The following ZFYVE9 variants were observed in gnomAD, a reference collection of about 807,000 sequenced individuals.
The protein encoded by ZFYVE9 is zinc finger FYVE domain-containing protein 9.
A neutral mutation model predicts 126.7 loss-of-function variants in ZFYVE9; 43 were observed. The observed-to-expected ratio is 0.34, with a 90% CI of 0.27 to 0.44. ZFYVE9 has a LOEUF of 0.44. Ranked by LOEUF, ZFYVE9 falls within the 20% of genes least tolerant of loss-of-function variation. The probability of loss-of-function intolerance (pLI) is 1.00; values close to 1 mark genes in which losing one functional copy is unlikely to be tolerated. For synonymous variants in ZFYVE9, 521 were observed against 597.4 expected (o/e 0.87, Z 1.87); for missense variants, 1,476 against 1,697.0 (o/e 0.87, Z 2.29).
At chr1:52,261,545 T>C (rs1344547310) in intron 4 of ZFYVE9, among the ~76,000 whole-genome samples, 1 of 152,234 alleles carries the variant, frequency 6.6e-6, no homozygotes, top group Non-Finnish European at 1.5e-5. Context: ...AGAGTTCATA[T>C]ATTTGTGGAA....
At chr1:52,234,173 A>T (rs938289712) in intron 3 of ZFYVE9, among the ~76,000 whole-genome samples, 8 of 152,046 alleles carry the variant, frequency 5.3e-5, no homozygotes, top group East Asian at 3.9e-4. Context: ...CTTCCTCCTC[A>T]CCGTTCTTCC....
rs1350690357 is a variant in ZFYVE9, at chr1:52,255,943, CTTTTCTTTTCT to C, written c.2179-7826_2179-7816del. Among the ~76,000 whole-genome samples, 107 of 122,344 alleles carry C rather than the reference CTTTTCTTTTCT, an allele frequency of 8.7e-4. 2 individuals carry two copies. Among genetic ancestry groups the C allele is most frequent in the African/African-American group, 3.8e-3 (92 of 24,186 alleles). 80.3% of individuals were successfully genotyped at this position (122,344 alleles called of 152,430 possible). A position where few individuals can be genotyped will look rare whatever the true frequency, so the allele number is the denominator to read the frequency against. On this transcript the variant is annotated intron_variant, in intron 4 of 18. Coordinates refer to ENST00000287727, the MANE Select transcript of ZFYVE9 (RefSeq NM_004799.4). Reference sequence around the variant, plus strand: ...CTTTTCTTTTCTTTTCTTTTCTTTTCTTTTCTTTTCTTTTCTTTTCTTTTCTTTCTTTCTTT... The same window carrying C: ...CTTTTCTTTTCTTTTCTTTTCTTTTCTTTCTTTTCTTTTCTTTCTTTCTTT...
At position 52,263,759 on chromosome 1, in the gene ZFYVE9, C is replaced by CGG; in HGVS notation, c.2179-14_2179-13insGG. The CGG allele has an allele frequency of 1.4e-6, 1 of 734,586 alleles. No homozygotes were observed. The highest frequency in any genetic ancestry group is 2.1e-6 in the Non-Finnish European group (1 of 487,400). The allele number at this position is 734,586 out of a possible 1,614,324, so 45.5% of individuals were successfully genotyped here. On this transcript the variant is annotated splice_polypyrimidine_tract_variant and intron_variant, in intron 4 of 18. Transcript: ENST00000287727. Reference sequence around the variant, plus strand: ...AGTAAATTTTGTGTGTTCTTCCCCCCCCCCCCCCCACAGGTTTTCTGTGCT... The same window carrying CGG: ...AGTAAATTTTGTGTGTTCTTCCCCCCGGCCCCCCCCCACAGGTTTTCTGTGCT...
At chr1:52,297,460 A>G (rs1645988925) in intron 12 of ZFYVE9, among the ~76,000 whole-genome samples, 1 of 151,808 alleles carries the variant, frequency 6.6e-6, no homozygotes, top group Admixed American at 6.6e-5. Context: ...GCTGGTCTCA[A>G]ACTCCTGACC....
At chr1:52,344,988 C>T (rs757489956) in intron 18 of ZFYVE9, 44 bp downstream of exon 18, 38 of 1,601,286 alleles carry the variant, frequency 2.4e-5, no homozygotes, top group East Asian at 6.7e-5. Context: ...CCTTGGGCAA[C>T]GTCTGTATTT....
intron 1 of ZFYVE9, among the ~76,000 whole-genome samples, chr1:52,161,745 A>AACT (rs1335590694): frequency 6.6e-5 from 10 of 152,198 alleles, no homozygotes; most frequent in Non-Finnish European, 1.2e-4. Context: ...TTCTGCACCT[A>AACT]ACTACTTGAC....
chr1:52,220,943 T>G (rs1365633776), intron 2 of ZFYVE9, among the ~76,000 whole-genome samples: 3 of 152,210 alleles, frequency 2.0e-5, no homozygotes, highest in African/African-American at 7.2e-5. Context: ...TCCTGGGACA[T>G]GGACAACTGC....
At chr1:52,180,296 C>T in intron 1 of ZFYVE9, 4 of 1,592,644 alleles carry the variant, frequency 2.5e-6, no homozygotes, top group East Asian at 2.2e-5. Context: ...CAACAACCTG[C>T]ATACCCAGTT....
At chr1:52,143,411 T>C (rs907180434) in intron 1 of ZFYVE9, among the ~76,000 whole-genome samples, 1 of 152,254 alleles carries the variant, frequency 6.6e-6, no homozygotes, top group Non-Finnish European at 1.5e-5. Context: ...TTATTCTTGT[T>C]TTCCTGTTAT....
intron 13 of ZFYVE9, among the ~76,000 whole-genome samples, chr1:52,325,930 C>T (rs1313735237): frequency 2.6e-5 from 4 of 152,230 alleles, no homozygotes; most frequent in Non-Finnish European, 5.9e-5. Context: ...TCACACACTT[C>T]TGCAGCATAA....
intron 1 of ZFYVE9, among the ~76,000 whole-genome samples, chr1:52,155,258 C>T (rs1298977397): frequency 1.1e-4 from 14 of 129,314 alleles, no homozygotes; most frequent in South Asian, 2.5e-4. Context: ...TTTTTTGAGA[C>T]GGAGTCTCGC....
chr1:52,293,069 A>G (rs1295433631), intron 10 of ZFYVE9, among the ~76,000 whole-genome samples: 5 of 152,128 alleles, frequency 3.3e-5, no homozygotes, highest in South Asian at 2.1e-4. Flanking sequence ...CCAGAGTTGC[A>G]TAATGTTTAT....
rs552591036 is a variant in ZFYVE9 at position 52,154,075 on chromosome 1, G to A, written c.-143+11672G>A. On this transcript the variant is annotated intron_variant, in intron 1 of 18. Transcript: ENST00000287727. ...ATAACTACTGGAGCTTATGGTTATG[G>A]GCCTACTGCCACAAATCTTTCACTG... Among the ~76,000 whole-genome samples, 35 of 152,320 alleles carry A rather than the reference G, an allele frequency of 2.3e-4. No individual in the cohort carries two copies. In the East Asian group the frequency reaches 3.7e-3, roughly 16 times the overall value.
chr1:52,224,827 C>T (rs1043120515), intron 2 of ZFYVE9, among the ~76,000 whole-genome samples: 6 of 152,070 alleles, frequency 3.9e-5, no homozygotes, highest in Non-Finnish European at 7.4e-5. Context: ...CTAAATGTCT[C>T]GTATTAGAGA....
intron 1 of ZFYVE9, among the ~76,000 whole-genome samples, chr1:52,216,143 G>A (rs528131509): frequency 9.2e-5 from 14 of 152,248 alleles, no homozygotes; most frequent in South Asian, 6.2e-4. Flanking sequence ...GAAAATAAAC[G>A]TGCAAAAACT....
At chr1:52,262,055 C>T (rs1397928645) in intron 4 of ZFYVE9, among the ~76,000 whole-genome samples, 1 of 152,172 alleles carries the variant, frequency 6.6e-6, no homozygotes, top group Non-Finnish European at 1.5e-5. Flanking sequence ...ATACCATAGA[C>T]TAGATGGCTT....
At chr1:52,305,806 C>CCTG (rs746190491) in intron 13 of ZFYVE9, among the ~76,000 whole-genome samples, 5 of 152,198 alleles carry the variant, frequency 3.3e-5, no homozygotes, top group Non-Finnish European at 7.3e-5. Context: ...CCTGGAAATG[C>CCTG]CTGCTCCTAC....
intron 4 of ZFYVE9, among the ~76,000 whole-genome samples, chr1:52,248,129 G>A (rs760834109): frequency 7.9e-5 from 12 of 152,054 alleles, no homozygotes; most frequent in Non-Finnish European, 7.4e-5. Context: ...TGGCAACCTC[G>A]GGAAAGAGAA....
rs1645807737 is a variant in ZFYVE9, at chr1:52,281,759, T to C, written c.2968T>C (p.Cys990Arg). The C allele has an allele frequency of 3.7e-6, 6 of 1,614,192 alleles. No individual in the cohort carries two copies. The change falls in exon 10 of 19, where the codon TGT becomes CGT. Residue 990 changes from cysteine (C) to arginine (R), a missense_variant. Cys to Arg is a radical substitution (Grantham distance 180). Transcript: ENST00000287727. Reference protein sequence around the residue: ...ILLQCLPDEKCLPKDIFNHFV... With the variant: ...ILLQCLPDEKRLPKDIFNHFV... ...TCTACAGTGTTTACCGGATGAAAAG[T>C]GTTTGCCAAAGGATATCTTTAATCA...
Sources: allele counts gnomAD v4.1 joint callset (sites outside exome capture counted in the v4.1 genomes callset), GRCh38; gene constraint gnomAD v4.1.1; transcripts MANE v1.5; gene names NCBI Gene and HGNC (gene_info 2026-07-23, HGNC 2026-07-21).